Variants in PRIM2 observed in about 807,000 individuals in gnomAD.
PRIM2 encodes DNA primase subunit 2.
In PRIM2, 39 loss-of-function variants were observed where a neutral mutation model predicts 67.3. That is an observed-to-expected ratio of 0.58 (90% CI 0.45 to 0.76). The LOEUF (loss-of-function observed/expected upper bound fraction) is 0.76, where lower values mean the gene tolerates loss of function less well. Ranked by LOEUF, PRIM2 falls within the 30% of genes least tolerant of loss-of-function variation. The pLI, the probability that PRIM2 is intolerant of heterozygous loss-of-function variation, is 0.00. For missense variants in PRIM2, 398 were observed against 598.7 expected, an observed-to-expected ratio of 0.66 and a Z score of 3.50; for synonymous variants, 143 against 198.7, an observed-to-expected ratio of 0.72 and a Z score of 2.36.
chr6:57,311,692 A>G (rs6916106), upstream of PRIM2, among the ~76,000 whole-genome samples: 128,407 of 151,582 alleles, frequency 0.85, 54,572 homozygotes, highest in East Asian at 0.99. Flanking sequence ...GGGAGGTGGA[A>G]GTTGTAGCGA....
Position 57,495,955 on chromosome 6 carries a change from A to G in PRIM2, c.694-11432A>G, listed in dbSNP as rs1212502516. 4.6e-5 allele frequency among the ~76,000 whole-genome samples: 7 copies of G among 152,000 alleles called. No homozygotes were observed. In the East Asian group the frequency reaches 1.4e-3, roughly 29 times the overall value. On this transcript the variant is annotated intron_variant, in intron 7 of 13. Transcript: ENST00000615550. ...GGAGATGAAGTCTTGCTATATTCCC[A>G]GGCTGGTCTCAAACTCCTGAGCTGA...
intron 12 of PRIM2, among the ~76,000 whole-genome samples, chr6:57,631,229 C>T: frequency 6.6e-6 from 1 of 152,046 alleles, no homozygotes; most frequent in East Asian, 1.9e-4. Flanking sequence ...GGAAGATCAG[C>T]CTTTTAAAAC....
At chr6:57,410,385 C>T (rs1233213359) in intron 7 of PRIM2, among the ~76,000 whole-genome samples, 1 of 148,364 alleles carries the variant, frequency 6.7e-6, no homozygotes, top group Non-Finnish European at 1.5e-5. Context: ...TTTTCTTTTT[C>T]ATTGGATTCC....
chr6:57,516,197 T>C (rs1774484426), intron 8 of PRIM2, among the ~76,000 whole-genome samples: 3 of 152,012 alleles, frequency 2.0e-5, no homozygotes, highest in African/African-American at 7.2e-5. Context: ...CAGGATAATC[T>C]TTTCATCTAA....
the PRIM2 span, among the ~76,000 whole-genome samples, chr6:57,286,136 T>C: frequency 6.6e-6 from 1 of 152,216 alleles, no homozygotes; most frequent in East Asian, 1.9e-4. Flanking sequence ...AAACATTCCA[T>C]GCTCATGGAT....
At position 57,458,261 on chromosome 6, in the gene PRIM2, G is replaced by T. The variant is rs1581926762; in HGVS notation, c.694-49126G>T. 2.0e-5 allele frequency among the ~76,000 whole-genome samples: 3 copies of T among 152,296 alleles called. No homozygotes were observed. The South Asian group carries it at 6.2e-4, about 32-fold the overall frequency. ...CATTGCAGAAAAAAACATCATGCAT[G>T]TGTACAGCTTTCAATCAAAAGTTAC... On this transcript the variant is annotated intron_variant, in intron 7 of 13. Transcript: ENST00000615550.
At chr6:57,549,824 G>A (rs1311158274) in intron 10 of PRIM2, among the ~76,000 whole-genome samples, 4 of 152,106 alleles carry the variant, frequency 2.6e-5, no homozygotes, top group African/African-American at 9.7e-5. Flanking sequence ...TATGGCTCAC[G>A]CCTGTAATCC....
At chr6:57,486,423 T>A (rs1221134064) in intron 7 of PRIM2, among the ~76,000 whole-genome samples, 2 of 152,258 alleles carry the variant, frequency 1.3e-5, no homozygotes, top group African/African-American at 4.8e-5. Context: ...TGGAACATAT[T>A]TGTATTTTGG....
chr6:57,594,164 G>A (rs1390763051), intron 10 of PRIM2, among the ~76,000 whole-genome samples: 1 of 152,190 alleles, frequency 6.6e-6, no homozygotes, highest in African/African-American at 2.4e-5. Flanking sequence ...TGACTTGAAA[G>A]TCTTTCTTCT....
chr6:57,273,946 T>C, the PRIM2 span, among the ~76,000 whole-genome samples: 2 of 152,148 alleles, frequency 1.3e-5, no homozygotes, highest in African/African-American at 4.8e-5. Flanking sequence ...ACAGCGGATA[T>C]TGGTGAACCA....
chr6:57,416,592 ATCT>A (rs1771271442), intron 7 of PRIM2, among the ~76,000 whole-genome samples: 1 of 152,172 alleles, frequency 6.6e-6, no homozygotes, highest in Non-Finnish European at 1.5e-5. Flanking sequence ...CCTATATGGC[ATCT>A]TCTTCCAGTA....
At chr6:57,304,618 G>A in the PRIM2 span, among the ~76,000 whole-genome samples, 9 of 152,286 alleles carry the variant, frequency 5.9e-5, no homozygotes, top group Non-Finnish European at 1.0e-4. Flanking sequence ...GGTTAGGTGA[G>A]GAGGAGGAGG....
intron 12 of PRIM2, among the ~76,000 whole-genome samples, chr6:57,630,834 T>C (rs1777027249): frequency 6.6e-6 from 1 of 152,152 alleles, no homozygotes; most frequent in Admixed American, 6.5e-5. Context: ...ATGAACTCAG[T>C]GTTAGCGTTA....
At chr6:57,376,972 G>T (rs1450684906) in intron 5 of PRIM2, among the ~76,000 whole-genome samples, 1 of 152,050 alleles carries the variant, frequency 6.6e-6, no homozygotes, top group African/African-American at 2.4e-5. Flanking sequence ...CACCTTCCAG[G>T]TTCAAGCAAT....
At chr6:57,550,089 C>A (rs1250797042) in intron 10 of PRIM2, among the ~76,000 whole-genome samples, 2 of 152,098 alleles carry the variant, frequency 1.3e-5, no homozygotes, top group South Asian at 2.1e-4. Flanking sequence ...CCGTGTCCCC[C>A]CTAAACCCCC....
At chr6:57,416,889 T>G (rs12197078) in intron 7 of PRIM2, among the ~76,000 whole-genome samples, 1 of 152,166 alleles carries the variant, frequency 6.6e-6, no homozygotes, top group South Asian at 2.1e-4. Context: ...TTAAGTTTAA[T>G]GGAATGTTGT....
At chr6:57,642,225 T>C (rs1343875527) in intron 13 of PRIM2, among the ~76,000 whole-genome samples, 1 of 151,812 alleles carries the variant, frequency 6.6e-6, no homozygotes, top group Non-Finnish European at 1.5e-5. Flanking sequence ...CACCAGGGCC[T>C]GTTTGGGGGG....
intron 11 of PRIM2, among the ~76,000 whole-genome samples, chr6:57,601,554 T>C (rs1776467482): frequency 6.6e-6 from 1 of 152,198 alleles, no homozygotes; most frequent in African/African-American, 2.4e-5. Flanking sequence ...TTTACAAAGC[T>C]TTTTGAAATT....
intron 7 of PRIM2, among the ~76,000 whole-genome samples, chr6:57,401,797 G>A (rs1415510429): frequency 1.3e-5 from 2 of 152,218 alleles, no homozygotes; most frequent in Admixed American, 1.3e-4. Flanking sequence ...TCTGTCTGGT[G>A]ATGAGCACTG....
Sources: allele counts gnomAD v4.1 joint callset (sites outside exome capture counted in the v4.1 genomes callset), GRCh38; gene constraint gnomAD v4.1.1; transcripts MANE v1.5; gene names NCBI Gene and HGNC (gene_info 2026-07-23, HGNC 2026-07-21).